LGR5: variants seen among roughly 807,000 people sequenced by gnomAD.
LGR5 encodes leucine rich repeat containing G protein-coupled receptor 5, also known as leucine-rich repeat-containing G protein-coupled receptor 5.
A neutral mutation model predicts 76.7 loss-of-function variants in LGR5; 54 were observed. The ratio of observed to expected loss-of-function variants is 0.70; its 90% CI spans 0.57 to 0.88. The LOEUF (loss-of-function observed/expected upper bound fraction) is 0.88. Among genes scored for constraint, LGR5 ranks in the 40% least tolerant of loss-of-function variants. The probability of loss-of-function intolerance (pLI) is 0.00; values close to 1 mark genes in which losing one functional copy is unlikely to be tolerated. For missense variants in LGR5, 1,078 were observed against 1,073.3 expected, an observed-to-expected ratio of 1.00 and a Z score of -0.06; for synonymous variants, 406 against 421.9, an observed-to-expected ratio of 0.96 and a Z score of 0.46.
chr12:71,529,398 G>A (rs988388923), intron 3 of LGR5, among the ~76,000 whole-genome samples: 3 of 152,044 alleles, frequency 2.0e-5, no homozygotes, highest in Non-Finnish European at 2.9e-5. Context: ...ATCAGATCTC[G>A]TGAGAACTCA....
chr12:71,507,046 G>T (rs1034333694), intron 2 of LGR5, among the ~76,000 whole-genome samples: 1 of 151,992 alleles, frequency 6.6e-6, no homozygotes, highest in African/African-American at 2.4e-5. Context: ...ACAATAATAG[G>T]TTACTGTGTG....
intron 4 of LGR5, among the ~76,000 whole-genome samples, chr12:71,537,099 T>C (rs543009794): frequency 2.0e-5 from 3 of 151,982 alleles, no homozygotes; most frequent in Admixed American, 6.6e-5. Flanking sequence ...AGTGTGAGTG[T>C]TGAATGTTGA....
intron 1 of LGR5, among the ~76,000 whole-genome samples, chr12:71,489,523 T>TTTTC (rs1479800412): frequency 5.3e-5 from 8 of 152,220 alleles, no homozygotes; most frequent in African/African-American, 1.9e-4. Context: ...ATTTTAACAA[T>TTTTC]TTCAGTGGTA....
At position 71,584,096 on chromosome 12, in the gene LGR5, G is replaced by T; in HGVS notation, c.2086G>T (p.Ala696Ser). ...LLCALLALTM[A>S]AVPLLGGSKY... ...CTGTGCCCTGCTGGCCTTGACCATG[G>T]CCGCAGTTCCCCTGCTGGGTGGCAG... Residue 696 changes from alanine to serine, a missense_variant, in exon 18 of 18, where the codon GCC (alanine) becomes TCC (serine). Transcript: ENST00000266674. 1 of 1,614,198 alleles carries T rather than the reference G, an allele frequency of 6.2e-7. No individual in the cohort carries two copies. Among genetic ancestry groups the T allele is most frequent in the Non-Finnish European group, 8.5e-7 (1 of 1,180,038 alleles).
chr12:71,550,239 C>A (rs968841365), intron 4 of LGR5, among the ~76,000 whole-genome samples: 1 of 151,748 alleles, frequency 6.6e-6, no homozygotes, highest in Non-Finnish European at 1.5e-5. Flanking sequence ...CAACCTCCAC[C>A]TCCTGGGTTC....
chr12:71,457,513 T>C (rs964642998), intron 1 of LGR5, among the ~76,000 whole-genome samples: 1 of 152,152 alleles, frequency 6.6e-6, no homozygotes, highest in Admixed American at 6.5e-5. Context: ...TTTCTGCTCA[T>C]CTAAGAGCAC....
chr12:71,511,854 C>T (rs1232176153), intron 2 of LGR5, among the ~76,000 whole-genome samples: 1 of 152,104 alleles, frequency 6.6e-6, no homozygotes, highest in Non-Finnish European at 1.5e-5. Context: ...TCTCTTACCT[C>T]CTATATTCAG....
intron 17 of LGR5, 167 bp from the exon 18 acceptor site, chr12:71,583,480 G>A: frequency 1.4e-6 from 1 of 728,058 alleles, no homozygotes; most frequent in Non-Finnish European, 2.3e-6. Flanking sequence ...GAAGATCCAG[G>A]GTGACAGTGG....
At chr12:71,492,517 A>G (rs1874119398) in intron 1 of LGR5, among the ~76,000 whole-genome samples, 1 of 152,204 alleles carries the variant, frequency 6.6e-6, no homozygotes, top group African/African-American at 2.4e-5. Context: ...GTATCCACCA[A>G]CACTGTGTAT....
At chr12:71,570,522 C>G (rs546350297) in intron 11 of LGR5, among the ~76,000 whole-genome samples, 185 of 152,092 alleles carry the variant, frequency 1.2e-3, no homozygotes, top group African/African-American at 4.0e-3. Context: ...ATTATATTCG[C>G]TATTTTTCAA....
chr12:71,452,830 CCTGA>C (rs758275932), intron 1 of LGR5, among the ~76,000 whole-genome samples: 16 of 152,154 alleles, frequency 1.1e-4, no homozygotes, highest in Non-Finnish European at 1.8e-4. Flanking sequence ...ATGACATCTA[CCTGA>C]CTAAGTTGTT....
At chr12:71,453,964 G>T (rs1376694064) in intron 1 of LGR5, among the ~76,000 whole-genome samples, 1 of 151,986 alleles carries the variant, frequency 6.6e-6, no homozygotes, top group Non-Finnish European at 1.5e-5. Flanking sequence ...TAGGAGAGGG[G>T]ATTCAAAGTT....
At chr12:71,567,730 G>A (rs1878418938) in intron 11 of LGR5, among the ~76,000 whole-genome samples, 1 of 152,108 alleles carries the variant, frequency 6.6e-6, no homozygotes, top group South Asian at 2.1e-4. Context: ...GCCCCAGCCT[G>A]CCGTGTCACT....
At chr12:71,460,850 A>C (rs1487395743) in intron 1 of LGR5, among the ~76,000 whole-genome samples, 1 of 152,058 alleles carries the variant, frequency 6.6e-6, no homozygotes, top group East Asian at 1.9e-4. Context: ...TTACTTCTCC[A>C]CATCTTTGCT....
intron 1 of LGR5, among the ~76,000 whole-genome samples, chr12:71,458,945 C>T (rs967998716): frequency 2.0e-5 from 3 of 151,376 alleles, no homozygotes; most frequent in African/African-American, 7.3e-5. Context: ...CCTTGGGAAA[C>T]GACATTTAAT....
intron 2 of LGR5, among the ~76,000 whole-genome samples, chr12:71,523,187 A>G (rs548496630): frequency 2.6e-5 from 4 of 152,334 alleles, no homozygotes; most frequent in South Asian, 4.1e-4. Context: ...TTAAAGTTAT[A>G]TAAGAAATGG....
At chr12:71,478,562 C>T (rs17814913) in intron 1 of LGR5, among the ~76,000 whole-genome samples, 7,114 of 152,168 alleles carry the variant, frequency 0.047, 215 homozygotes, top group Non-Finnish European at 0.07. Context: ...GTCAATAAGT[C>T]CCAGATTGAA....
intron 5 of LGR5, among the ~76,000 whole-genome samples, chr12:71,553,572 C>T (rs1877605749): frequency 6.6e-6 from 1 of 152,154 alleles, no homozygotes; most frequent in Non-Finnish European, 1.5e-5. Flanking sequence ...GGAGTCACCG[C>T]ACTGTACAGT....
chr12:71,513,476 C>A (rs1276399023), intron 2 of LGR5, among the ~76,000 whole-genome samples: 3 of 152,026 alleles, frequency 2.0e-5, no homozygotes, highest in Non-Finnish European at 2.9e-5. Context: ...TAATTAAAAA[C>A]CCCCAATTTG....
Sources: gnomAD v4.1 joint callset for allele counts (sites outside exome capture counted in the v4.1 genomes callset) on GRCh38, gnomAD v4.1.1 for gene constraint, MANE v1.5 for transcripts, NCBI Gene and HGNC (gene_info 2026-07-23, HGNC 2026-07-21) for gene names.